The following ATF7IP2 variants were observed in gnomAD, a reference collection of about 807,000 sequenced individuals.
ATF7IP2 encodes activating transcription factor 7-interacting protein 2.
Under a neutral mutation model 64.2 loss-of-function variants are expected in ATF7IP2, and 42 were observed. That is an observed-to-expected ratio of 0.65 (90% confidence interval 0.51 to 0.85). ATF7IP2 has a LOEUF of 0.85. ATF7IP2 is among the 40% of genes least tolerant of loss of function. ATF7IP2 has a pLI of 0.00. For missense variants in ATF7IP2, 933 were observed against 784.2 expected (o/e 1.19, Z -2.27); for synonymous variants, 308 against 272.8 (o/e 1.13, Z -1.27).
Position 10,430,751 on chromosome 16 carries a change from G to A in ATF7IP2, c.131G>A (p.Ser44Asn), listed in dbSNP as rs149126039. The A allele has an allele frequency of 1.1e-4, 180 of 1,614,058 alleles. 1 individual carries two copies. In the African/African-American group the frequency reaches 1.9e-3, roughly 17 times the overall value. The change falls in exon 5 of 14, where the codon AGT (serine) becomes AAT (asparagine). Residue 44 changes from serine (S) to asparagine (N), a missense_variant. Coordinates refer to ENST00000562102, the MANE Select transcript of ATF7IP2 (RefSeq NM_001393719.1). Reference sequence around the variant, plus strand: ...GAAGCGCTGAAAACAGCAATTGGGAGTAATGTTCCAAGCGGTAATCAGAGT... The same window carrying A: ...GAAGCGCTGAAAACAGCAATTGGGAATAATGTTCCAAGCGGTAATCAGAGT... ...NVEALKTAIG[S>N]NVPSGNQSFS...
At chr16:10,435,498 A>G (rs1393045636) in intron 6 of ATF7IP2, among the ~76,000 whole-genome samples, 3 of 152,216 alleles carry the variant, frequency 2.0e-5, no homozygotes, top group Non-Finnish European at 4.4e-5. Flanking sequence ...TACCATTGGT[A>G]AAAACATTTA....
At chr16:10,426,406 A>G (rs1029218228) in intron 3 of ATF7IP2, among the ~76,000 whole-genome samples, 12 of 152,324 alleles carry the variant, frequency 7.9e-5, no homozygotes, top group Admixed American at 2.0e-4. Context: ...TTTTATCAGC[A>G]GTTTTACTTG....
chr16:10,399,130 C>A (rs2141763867), intron 1 of ATF7IP2, among the ~76,000 whole-genome samples: 1 of 151,882 alleles, frequency 6.6e-6, no homozygotes, highest in South Asian at 2.1e-4. Flanking sequence ...AAAAAAAGAT[C>A]TATTGTTCTA....
intron 1 of ATF7IP2, among the ~76,000 whole-genome samples, chr16:10,409,872 A>G (rs1048226572): frequency 5.3e-5 from 8 of 152,298 alleles, no homozygotes; most frequent in South Asian, 2.1e-4. Flanking sequence ...TGCTTTGTCA[A>G]AGCTCAGTTG....
Position 10,482,388 on chromosome 16 carries a change from T to C in ATF7IP2, c.*139T>C, listed in dbSNP as rs1404633973. The stretch of plus-strand genomic sequence containing the variant: ...TGGGACAGTCCTCTTCTATATGTTT[T>C]AAGTGGCCAGTAATTTAATGAATTT... On this transcript the variant is annotated 3_prime_UTR_variant, in exon 14 of 14. Coordinates refer to ENST00000562102, the MANE Select transcript of ATF7IP2 (RefSeq NM_001393719.1). 3.2e-6 allele frequency: 2 copies of C among 615,582 alleles called. No individual in the cohort carries two copies. The highest frequency in any genetic ancestry group is 3.7e-5 in the African/African-American group (2 of 53,616). The allele number at this position is 615,582 out of a possible 1,614,324, so 38.1% of individuals were successfully genotyped here.
At chr16:10,413,303 A>G (rs1369078982) in intron 1 of ATF7IP2, among the ~76,000 whole-genome samples, 1 of 152,128 alleles carries the variant, frequency 6.6e-6, no homozygotes, top group Non-Finnish European at 1.5e-5. Flanking sequence ...TATTCTCGTG[A>G]TAGTGAATAA....
rs1346089906 is a variant in ATF7IP2, at chr16:10,431,466, A to T, written c.835+11A>T. The T allele has an allele frequency of 1.3e-6, 2 of 1,504,722 alleles. No individual in the cohort carries two copies. The highest frequency in any genetic ancestry group is 1.8e-6 in the Non-Finnish European group (2 of 1,113,100). 93.2% of individuals were successfully genotyped at this position (1,504,722 alleles called of 1,614,324 possible). On this transcript the variant is annotated intron_variant, in intron 5 of 13. Coordinates refer to ENST00000562102, the MANE Select transcript of ATF7IP2 (RefSeq NM_001393719.1). The stretch of plus-strand genomic sequence containing the variant: ...ACACTAATAACAACAGTAAGTATAT[A>T]CTTATGCACCTTTTAGAAAAATTAA...
chr16:10,438,182 A>C lies in ATF7IP2; in HGVS notation c.1042A>C (p.Ile348Leu), dbSNP rs2048485554. 1.2e-6 allele frequency: 2 copies of C among 1,606,800 alleles called. No homozygotes were observed. Among genetic ancestry groups the C allele is most frequent in the Middle Eastern group, 1.6e-4 (1 of 6,068 alleles). The change falls in exon 7 of 14, where the codon ATT becomes CTT. Residue 348 changes from isoleucine (I) to leucine (L), a missense_variant. By Grantham distance (5) the Ile-to-Leu change is conservative (BLOSUM62 2). Transcript: ENST00000562102. ...GAAACTGAAAGAATTGAACCAACGC[A>C]TTGGGAAGACAGAGTGCAGAAATAA... Reference protein sequence around the residue: ...DKKLKELNQRIGKTECRNKHE... With the variant: ...DKKLKELNQRLGKTECRNKHE...
chr16:10,429,334 A>G (rs1251206956), intron 4 of ATF7IP2, among the ~76,000 whole-genome samples: 3 of 152,146 alleles, frequency 2.0e-5, no homozygotes, highest in Admixed American at 6.6e-5. Flanking sequence ...GGATTTATTT[A>G]GTATATATAT....
chr16:10,475,781 G>C (rs2049987599), intron 12 of ATF7IP2, among the ~76,000 whole-genome samples: 1 of 132,816 alleles, frequency 7.5e-6, no homozygotes, highest in African/African-American at 3.0e-5. Context: ...GAGAACAAAA[G>C]GCAAAATGAT....
At chr16:10,435,046 G>A (rs894124147) in intron 6 of ATF7IP2, among the ~76,000 whole-genome samples, 8 of 152,176 alleles carry the variant, frequency 5.3e-5, no homozygotes, top group Non-Finnish European at 1.0e-4. Context: ...GGGATTACAG[G>A]TGTGAGCCAC....
chr16:10,419,618 C>A lies in ATF7IP2; in HGVS notation c.-165C>A. On this transcript the variant is annotated 5_prime_UTR_variant, in exon 3 of 14. Coordinates refer to ENST00000562102, the MANE Select transcript of ATF7IP2 (RefSeq NM_001393719.1). ...CGTCTGTGACAGCTTCTTGATCTGT[C>A]CCCAGGTAGGTGGCTGCATTCGACA... 1.3e-5 allele frequency: 2 copies of A among 153,598 alleles called. No individual in the cohort carries two copies. The highest frequency in any genetic ancestry group is 3.6e-4 in the South Asian group (2 of 5,498). 9.5% of individuals were successfully genotyped at this position (153,598 alleles called of 1,614,324 possible).
chr16:10,461,160 G>T (rs924477021), intron 9 of ATF7IP2, among the ~76,000 whole-genome samples: 1 of 152,050 alleles, frequency 6.6e-6, no homozygotes, highest in African/African-American at 2.4e-5. Context: ...TTCATATCAG[G>T]TAAGGAAAAA....
At chr16:10,455,978 A>C (rs985817467) in intron 8 of ATF7IP2, among the ~76,000 whole-genome samples, 14 of 36,346 alleles carry the variant, frequency 3.9e-4, no homozygotes, top group Middle Eastern at 0.011. Flanking sequence ...ATGAGATTTT[A>C]TTTCTTTTTT....
chr16:10,444,481 C>T (rs965345476), intron 8 of ATF7IP2, among the ~76,000 whole-genome samples: 12 of 152,156 alleles, frequency 7.9e-5, no homozygotes, highest in African/African-American at 2.9e-4. Context: ...ACTCAAGAGG[C>T]AGTGTTTGTG....
chr16:10,455,389 G>A (rs188383180), intron 8 of ATF7IP2, among the ~76,000 whole-genome samples: 14 of 152,336 alleles, frequency 9.2e-5, no homozygotes, highest in African/African-American at 2.4e-4. Flanking sequence ...GTCCAGAAAC[G>A]CAGGCAGCCT....
chr16:10,477,220 T>C (rs1304944239), intron 12 of ATF7IP2, among the ~76,000 whole-genome samples: 1 of 152,202 alleles, frequency 6.6e-6, no homozygotes, highest in Non-Finnish European at 1.5e-5. Context: ...ACCCAGAATC[T>C]ACAAGGAACT....
At chr16:10,423,518 G>A (rs911255497) in intron 3 of ATF7IP2, among the ~76,000 whole-genome samples, 10 of 152,100 alleles carry the variant, frequency 6.6e-5, no homozygotes, top group Non-Finnish European at 1.5e-4. Flanking sequence ...CTGAATTCCT[G>A]CCTGAAAAGA....
intron 12 of ATF7IP2, among the ~76,000 whole-genome samples, chr16:10,479,322 T>C (rs1368958899): frequency 6.6e-6 from 1 of 151,664 alleles, no homozygotes; most frequent in African/African-American, 2.4e-5. Context: ...TATGCAGCCA[T>C]AAAAAATGAT....
Sources: gnomAD v4.1 joint callset for allele counts (sites outside exome capture counted in the v4.1 genomes callset) on GRCh38, gnomAD v4.1.1 for gene constraint, MANE v1.5 for transcripts, NCBI Gene and HGNC (gene_info 2026-07-23, HGNC 2026-07-21) for gene names.